The following PDE4B variants were observed in gnomAD, a reference collection of about 807,000 sequenced individuals.
PDE4B encodes 3',5'-cyclic-AMP phosphodiesterase 4B.
A neutral mutation model predicts 82.2 loss-of-function variants in PDE4B; 20 were observed. The ratio of observed to expected loss-of-function variants is 0.24; its 90% confidence interval spans 0.17 to 0.35. PDE4B has a LOEUF of 0.35. Ranked by LOEUF, PDE4B falls within the 10% of genes least tolerant of loss-of-function variation. The pLI, the probability that PDE4B is intolerant of heterozygous loss-of-function variation, is 1.00. For missense variants in PDE4B, 655 were observed against 907.2 expected (o/e 0.72, Z 3.57); for synonymous variants, 320 against 318.9 (o/e 1.00, Z -0.04).
At chr1:65,855,142 G>GATATTATATTATATTATATTATATT (rs200109700) in intron 1 of PDE4B, among the ~76,000 whole-genome samples, 91 of 150,278 alleles carry the variant, frequency 6.1e-4, no homozygotes, top group African/African-American at 2.2e-3. Flanking sequence ...TATTTAAGCA[G>GATATTATATTATATTATATTATATT]ATATTATATT....
intron 1 of PDE4B, among the ~76,000 whole-genome samples, chr1:65,893,910 C>T (rs1036905387): frequency 6.6e-6 from 1 of 151,932 alleles, no homozygotes; most frequent in Admixed American, 6.6e-5. Context: ...GACCAAATAT[C>T]GTATGTTCTC....
chr1:66,225,256 C>G (rs186293479), intron 3 of PDE4B, among the ~76,000 whole-genome samples: 5 of 152,170 alleles, frequency 3.3e-5, no homozygotes, highest in African/African-American at 1.2e-4. Flanking sequence ...TTTCTCACCC[C>G]CCGTTCTCAC....
At chr1:66,001,328 A>T (rs929477885) in intron 3 of PDE4B, among the ~76,000 whole-genome samples, 2 of 152,178 alleles carry the variant, frequency 1.3e-5, no homozygotes, top group Non-Finnish European at 2.9e-5. Context: ...CTGTGTATAA[A>T]ATCATATATA....
intron 7 of PDE4B, among the ~76,000 whole-genome samples, chr1:66,303,353 G>GTATA (rs55857576): frequency 2.9e-4 from 43 of 148,424 alleles, no homozygotes; most frequent in African/African-American, 8.4e-4. Context: ...GTGTGTGTGT[G>GTATA]TATATATATA....
At position 65,998,868 on chromosome 1, in the gene PDE4B, TAA is replaced by T. The variant is rs5774782; in HGVS notation, c.281+80047_281+80048del. On this transcript the variant is annotated intron_variant, in intron 3 of 16. Coordinates refer to ENST00000341517, the MANE Select transcript of PDE4B (RefSeq NM_002600.4). ...CTTTAAGTGCAGACTCCTAGTGGGT[TAA>T]AAAAAAAAAAAAAGCAGATATTATC... Among the ~76,000 whole-genome samples the T allele has an allele frequency of 1.3e-3, 186 of 138,220 alleles. 1 individual carries two copies. Among genetic ancestry groups the T allele is most frequent in the African/African-American group, 1.4e-3 (53 of 37,596 alleles). 90.7% of individuals were successfully genotyped at this position (138,220 alleles called of 152,430 possible).
At chr1:66,331,777 C>T (rs1660127744) in intron 7 of PDE4B, 2 of 985,250 alleles carry the variant, frequency 2.0e-6, no homozygotes, top group African/African-American at 3.5e-5. Flanking sequence ...TGCAGGACTC[C>T]CAGGCCAATA....
At chr1:66,179,428 G>T (rs1373111334) in intron 3 of PDE4B, among the ~76,000 whole-genome samples, 2 of 152,124 alleles carry the variant, frequency 1.3e-5, no homozygotes, top group Non-Finnish European at 2.9e-5. Flanking sequence ...GAAGTTATGT[G>T]AAGAAGATCC....
At chr1:66,253,744 TGTTTC>T (rs1653969651) in intron 4 of PDE4B, among the ~76,000 whole-genome samples, 1 of 152,258 alleles carries the variant, frequency 6.6e-6, no homozygotes, top group Non-Finnish European at 1.5e-5. Flanking sequence ...TGTTTTGTTT[TGTTTC>T]TTTTCTGTTA....
At position 66,037,403 on chromosome 1, in the gene PDE4B, CT is replaced by C. The variant is rs551501185; in HGVS notation, c.281+118573del. Among the ~76,000 whole-genome samples the C allele has an allele frequency of 1.9e-3, 295 of 152,024 alleles. 1 individual carries two copies. Among genetic ancestry groups the C allele is most frequent in the African/African-American group, 6.8e-3 (282 of 41,492 alleles). On this transcript the variant is annotated intron_variant, in intron 3 of 16. Transcript: ENST00000341517. The stretch of plus-strand genomic sequence containing the variant: ...TATAAATAGGATTGTTTTCTTATTT[CT>C]TTTTCAGACACTTTGCTGTTAGTGT...
intron 1 of PDE4B, among the ~76,000 whole-genome samples, chr1:65,820,722 G>A (rs1312338336): frequency 6.6e-6 from 1 of 152,108 alleles, no homozygotes; most frequent in South Asian, 2.1e-4. Flanking sequence ...GTAGAGATAT[G>A]GTATTTACAT....
Position 66,045,627 on chromosome 1 carries a change from T to TCACCACA in PDE4B, c.281+126792_281+126793insCACCACA, listed in dbSNP as rs142919119. ...TCAGGTTCTTCACCACAAAGATGGC[T>TCACCACA]AAGACGCATGCTCATCCCCCAAGAT... On this transcript the variant is annotated intron_variant, in intron 3 of 16. Transcript: ENST00000341517. Among the ~76,000 whole-genome samples the TCACCACA allele has an allele frequency of 6.9e-3, 1,051 of 151,830 alleles. 15 individuals carry two copies. The highest frequency in any genetic ancestry group is 0.024 in the African/African-American group (977 of 41,494).
intron 3 of PDE4B, among the ~76,000 whole-genome samples, chr1:66,120,508 G>C (rs546419973): frequency 3.9e-5 from 6 of 152,156 alleles, no homozygotes; most frequent in Non-Finnish European, 8.8e-5. Context: ...TTACATTAGA[G>C]ATCACAACTT....
intron 8 of PDE4B, 95 bp downstream of exon 8, chr1:66,332,715 T>C (rs1660218399): frequency 2.2e-6 from 2 of 909,424 alleles, no homozygotes. Context: ...CAGGGAATGC[T>C]ACCAACTCTA....
At chr1:66,295,731 T>C (rs1657465451) in intron 7 of PDE4B, among the ~76,000 whole-genome samples, 2 of 152,200 alleles carry the variant, frequency 1.3e-5, no homozygotes, top group Non-Finnish European at 2.9e-5. Flanking sequence ...CCCATTCTTT[T>C]CTTTTGTTGT....
chr1:65,857,961 A>C (rs1373092902), intron 1 of PDE4B, among the ~76,000 whole-genome samples: 1 of 151,870 alleles, frequency 6.6e-6, no homozygotes, highest in East Asian at 1.9e-4. Flanking sequence ...CAGGCAGGTT[A>C]CATAATACAG....
chr1:66,175,278 A>C (rs1646912252), intron 3 of PDE4B, among the ~76,000 whole-genome samples: 1 of 152,212 alleles, frequency 6.6e-6, no homozygotes, highest in Non-Finnish European at 1.5e-5. Flanking sequence ...ACTGCCAAAC[A>C]CTGAGAAGAA....
intron 1 of PDE4B, among the ~76,000 whole-genome samples, chr1:65,848,805 C>T (rs1646296588): frequency 1.3e-5 from 2 of 152,056 alleles, no homozygotes; most frequent in African/African-American, 4.8e-5. Context: ...CATTTGAATT[C>T]TTTCCAGTTG....
chr1:65,927,031 G>A (rs1319812293), intron 3 of PDE4B, among the ~76,000 whole-genome samples: 2 of 152,074 alleles, frequency 1.3e-5, no homozygotes, highest in Non-Finnish European at 2.9e-5. Flanking sequence ...TCCTTCAAAT[G>A]TGAAGGAGAG....
chr1:66,096,350 A>T (rs1645113866), intron 3 of PDE4B, among the ~76,000 whole-genome samples: 1 of 151,326 alleles, frequency 6.6e-6, no homozygotes, highest in Non-Finnish European at 1.5e-5. Context: ...TATCAACTTT[A>T]AATGTACAAT....
Sources: allele counts gnomAD v4.1 joint callset (sites outside exome capture counted in the v4.1 genomes callset), GRCh38; gene constraint gnomAD v4.1.1; transcripts MANE v1.5; gene names NCBI Gene and HGNC (gene_info 2026-07-23, HGNC 2026-07-21).